DAB1: variants seen among roughly 807,000 people sequenced by gnomAD.
DAB1 encodes the protein disabled homolog 1.
DAB1 carries 15 observed loss-of-function variants against 64.6 expected under a neutral mutation model. The ratio of observed to expected loss-of-function variants is 0.23; its 90% confidence interval spans 0.16 to 0.36. The LOEUF is 0.36. Ranked by LOEUF, DAB1 falls within the 10% of genes least tolerant of loss-of-function variation. DAB1 has a pLI of 1.00. For synonymous variants in DAB1, 235 were observed against 251.9 expected (o/e 0.93, Z 0.64); for missense variants, 596 against 706.7 (o/e 0.84, Z 1.78).
chr1:58,069,499 G>T (rs753862036), intron 5 of DAB1, among the ~76,000 whole-genome samples: 2 of 152,002 alleles, frequency 1.3e-5, no homozygotes, highest in Non-Finnish European at 2.9e-5. Context: ...CCAATCCTAT[G>T]CACTGTGGCG....
chr1:57,202,575 A>T (rs1042559276), intron 2 of DAB1, among the ~76,000 whole-genome samples: 1 of 152,226 alleles, frequency 6.6e-6, no homozygotes, highest in Non-Finnish European at 1.5e-5. Context: ...AGGTGGGAAG[A>T]TTTACTCACT....
intron 5 of DAB1, among the ~76,000 whole-genome samples, chr1:58,077,701 C>G (rs1649741206): frequency 1.3e-5 from 2 of 152,172 alleles, no homozygotes; most frequent in African/African-American, 2.4e-5. Context: ...TTCCTCAAAC[C>G]CAACTACTTT....
At chr1:58,117,698 G>A (rs1020359016) in intron 5 of DAB1, among the ~76,000 whole-genome samples, 1 of 152,102 alleles carries the variant, frequency 6.6e-6, no homozygotes, top group Non-Finnish European at 1.5e-5. Flanking sequence ...TGGTAGCCTT[G>A]TTATGGCTGA....
intron 6 of DAB1, 159 bp from the exon 7 acceptor site, chr1:57,071,220 T>C (rs1195758524): frequency 1.4e-6 from 1 of 714,890 alleles, no homozygotes; most frequent in Non-Finnish European, 2.3e-6. Flanking sequence ...GTCAAAATCC[T>C]TAGAGCCACT....
chr1:57,744,562 G>A (rs1648171297), intron 6 of DAB1, among the ~76,000 whole-genome samples: 1 of 152,152 alleles, frequency 6.6e-6, no homozygotes, highest in South Asian at 2.1e-4. Context: ...AAGGATCAGA[G>A]AAGTTATTTT....
chr1:57,567,344 G>A (rs535820036), intron 7 of DAB1, among the ~76,000 whole-genome samples: 5 of 152,248 alleles, frequency 3.3e-5, no homozygotes, highest in African/African-American at 1.2e-4. Flanking sequence ...AAAACTGGAA[G>A]CATTCCCTTT....
In DAB1 at chr1:57,261,287, A is replaced by G. The variant is rs116700427; in HGVS notation, c.67+29677T>C. 4.7e-3 allele frequency among the ~76,000 whole-genome samples: 714 copies of G among 152,258 alleles called. 6 individuals are homozygous for G. Among genetic ancestry groups the G allele is most frequent in the African/African-American group, 0.016 (671 of 41,550 alleles). On this transcript the variant is annotated intron_variant, in intron 2 of 14. Coordinates refer to ENST00000371236, the MANE Select transcript of DAB1 (RefSeq NM_001365792.1). The stretch of plus-strand genomic sequence containing the variant: ...CATATTTTATCAGACAAACCTATAC[A>G]GTATCCCTATGCATCCAACAATGAA...
chr1:58,401,761 C>T (rs181402307), intron 3 of DAB1, among the ~76,000 whole-genome samples: 1 of 152,302 alleles, frequency 6.6e-6, no homozygotes, highest in African/African-American at 2.4e-5. Context: ...TTCACAGCTT[C>T]TGAAACAATT....
chr1:57,073,935 G>A (rs775033936), intron 4 of DAB1, among the ~76,000 whole-genome samples: 3 of 152,096 alleles, frequency 2.0e-5, no homozygotes, highest in East Asian at 3.9e-4. Context: ...GGAGTGCAAC[G>A]GTGCAATCTT....
chr1:58,157,189 C>T (rs543326208), intron 4 of DAB1, among the ~76,000 whole-genome samples: 9 of 152,268 alleles, frequency 5.9e-5, no homozygotes, highest in African/African-American at 1.9e-4. Context: ...TCTCCTTAGT[C>T]CTTTGCCAAA....
chr1:58,343,080 T>G (rs1294286622), intron 4 of DAB1, among the ~76,000 whole-genome samples: 4 of 152,170 alleles, frequency 2.6e-5, no homozygotes, highest in Non-Finnish European at 5.9e-5. Context: ...TAGTCTCCTA[T>G]TTGTCTCAAA....
At chr1:57,427,185 A>G (rs994730555), upstream of DAB1, among the ~76,000 whole-genome samples, 4 of 152,206 alleles carry the variant, frequency 2.6e-5, no homozygotes, top group African/African-American at 9.7e-5. Flanking sequence ...CATGCCTGGC[A>G]CTGAATAAAT....
intron 9 of DAB1, among the ~76,000 whole-genome samples, chr1:57,027,987 G>A (rs1382602503): frequency 6.6e-6 from 1 of 152,210 alleles, no homozygotes; most frequent in Non-Finnish European, 1.5e-5. Flanking sequence ...CTGGTGGGGA[G>A]GTTATCCAAT....
intron 4 of DAB1, among the ~76,000 whole-genome samples, chr1:58,260,520 T>G (rs1661025742): frequency 6.6e-6 from 1 of 152,170 alleles, no homozygotes; most frequent in Admixed American, 6.5e-5. Context: ...CCTTATTGCC[T>G]AATCATTAGC....
At chr1:58,471,036 C>T (rs142891888) in intron 3 of DAB1, among the ~76,000 whole-genome samples, 1 of 152,240 alleles carries the variant, frequency 6.6e-6, no homozygotes, top group African/African-American at 2.4e-5. Context: ...GGAACCAATA[C>T]TATTTTATCA....
chr1:57,483,621 GTTTTT>G (rs890753318), intron 7 of DAB1, among the ~76,000 whole-genome samples: 1 of 151,542 alleles, frequency 6.6e-6, no homozygotes, highest in Non-Finnish European at 1.5e-5. Context: ...TTCTGTTTTT[GTTTTT>G]TTTGAGTCAG....
intron 1 of DAB1, among the ~76,000 whole-genome samples, chr1:57,361,146 A>G (rs1679516329): frequency 6.6e-6 from 1 of 152,184 alleles, no homozygotes; most frequent in Non-Finnish European, 1.5e-5. Context: ...ACAAAAAAAT[A>G]AAGAGCATTA....
intron 5 of DAB1, among the ~76,000 whole-genome samples, chr1:57,902,228 G>A (rs1644486303): frequency 6.6e-6 from 1 of 151,178 alleles, no homozygotes; most frequent in Admixed American, 6.6e-5. Flanking sequence ...AAGAACACTT[G>A]AGTACTTTTT....
intron 4 of DAB1, among the ~76,000 whole-genome samples, chr1:58,152,531 G>A (rs1243556338): frequency 6.6e-6 from 1 of 152,188 alleles, no homozygotes; most frequent in Admixed American, 6.5e-5. Flanking sequence ...GAACATGCAT[G>A]CAAATCTCTG....
Sources: gnomAD v4.1 joint callset for allele counts (sites outside exome capture counted in the v4.1 genomes callset) on GRCh38, gnomAD v4.1.1 for gene constraint, MANE v1.5 for transcripts, NCBI Gene and HGNC (gene_info 2026-07-23, HGNC 2026-07-21) for gene names.